MNS1: variants seen among roughly 807,000 people sequenced by gnomAD.
MNS1 encodes meiosis specific nuclear structural 1.
A neutral mutation model predicts 72.0 loss-of-function variants in MNS1; 63 were observed. The observed-to-expected ratio is 0.87, with a 90% CI of 0.71 to 1.08. The LOEUF (loss-of-function observed/expected upper bound fraction) is 1.08. MNS1 is among the 50% of genes least tolerant of loss of function. MNS1 has a pLI of 0.00. For missense variants in MNS1, 604 were observed against 562.4 expected (o/e 1.07, Z -0.75); for synonymous variants, 188 against 172.1 (o/e 1.09, Z -0.72).
chr15:56,464,522 C>G (rs1391349119), intron 1 of MNS1, among the ~76,000 whole-genome samples: 1 of 152,096 alleles, frequency 6.6e-6, no homozygotes, highest in Non-Finnish European at 1.5e-5. Flanking sequence ...GGATTAATCG[C>G]ACCCTACAGA....
intron 7 of MNS1, among the ~76,000 whole-genome samples, chr15:56,437,895 A>G (rs1415569363): frequency 1.3e-5 from 2 of 152,178 alleles, no homozygotes; most frequent in African/African-American, 2.4e-5. Context: ...ATACCTAGGA[A>G]TCCAACTTAC....
chr15:56,464,396 G>T, intron 1 of MNS1, 149 bp from the exon 2 acceptor site: 1 of 623,450 alleles, frequency 1.6e-6, no homozygotes, highest in South Asian at 2.1e-5. Context: ...AAAAGTAAAC[G>T]TGGTAAATAT....
chr15:56,455,493 G>A (rs2050976097), intron 3 of MNS1, among the ~76,000 whole-genome samples: 1 of 152,102 alleles, frequency 6.6e-6, no homozygotes, highest in Non-Finnish European at 1.5e-5. Context: ...GCTCATCCAT[G>A]TTTCCTGTAA....
rs2051044071 is a variant in MNS1, at chr15:56,464,314, G to C, written c.4-67C>G. The C allele has an allele frequency of 3.5e-6, 4 of 1,133,742 alleles. No homozygotes were observed. In the South Asian group the frequency reaches 6.0e-5, roughly 17 times the overall value. 70.2% of individuals were successfully genotyped at this position (1,133,742 alleles called of 1,614,324 possible). On this transcript the variant is annotated intron_variant, in intron 1 of 9. Transcript: ENST00000260453. ...AAAATCTAATTTTAAAAAATGTATT[G>C]ATATAAACCTTAGTAAGAAAGGATA...
intron 7 of MNS1, among the ~76,000 whole-genome samples, chr15:56,438,245 A>G (rs1422056378): frequency 6.6e-6 from 1 of 152,240 alleles, no homozygotes; most frequent in African/African-American, 2.4e-5. Context: ...CCAAAACAGC[A>G]TGGTACTGCT....
intron 7 of MNS1, among the ~76,000 whole-genome samples, chr15:56,436,193 C>T (rs1209241538): frequency 3.9e-5 from 6 of 152,050 alleles, no homozygotes; most frequent in African/African-American, 1.2e-4. Flanking sequence ...CAAAGTTGAC[C>T]ACATAGTTGG....
chr15:56,462,186 C>A (rs1400812631), intron 2 of MNS1, among the ~76,000 whole-genome samples: 1 of 151,694 alleles, frequency 6.6e-6, no homozygotes, highest in Non-Finnish European at 1.5e-5. Flanking sequence ...AAGTTCTTTA[C>A]AGAGGAATTT....
rs149155889 is a variant in MNS1, at chr15:56,457,947, T to C, written c.226-1426A>G. Among the ~76,000 whole-genome samples the C allele has an allele frequency of 2.7e-3, 418 of 152,294 alleles. 4 individuals are homozygous for C. The highest frequency in any genetic ancestry group is 9.6e-3 in the African/African-American group (398 of 41,546). On this transcript the variant is annotated intron_variant, in intron 2 of 9. Coordinates refer to ENST00000260453, the MANE Select transcript of MNS1 (RefSeq NM_018365.4). ...ATGTTTACAGCAGATTTATTCATAA[T>C]AGCCAATACCAAAAATACTCCAGAC... is the stretch of plus-strand genomic sequence containing the variant.
intron 8 of MNS1, 65 bp from the exon 9 acceptor site, chr15:56,431,563 A>C (rs981236116): frequency 1.3e-6 from 2 of 1,538,150 alleles, no homozygotes; most frequent in Non-Finnish European, 1.8e-6. Flanking sequence ...TTTTCAAATA[A>C]AACTACTCAT....
At chr15:56,430,505 C>CAGTT (rs1350227382) in intron 9 of MNS1, among the ~76,000 whole-genome samples, 5 of 152,170 alleles carry the variant, frequency 3.3e-5, no homozygotes, top group Non-Finnish European at 7.4e-5. Flanking sequence ...CATGCCCAGC[C>CAGTT]AGTTACTATT....
At chr15:56,439,520 C>T (rs2050783671) in intron 7 of MNS1, among the ~76,000 whole-genome samples, 1 of 151,704 alleles carries the variant, frequency 6.6e-6, no homozygotes, top group African/African-American at 2.4e-5. Flanking sequence ...GGGATGGATA[C>T]ATAGACCAAC....
intron 7 of MNS1, among the ~76,000 whole-genome samples, chr15:56,438,365 A>G (rs2050763807): frequency 6.6e-6 from 1 of 152,220 alleles, no homozygotes; most frequent in East Asian, 1.9e-4. Context: ...CAGGTTTGTT[A>G]CAAACCTGAC....
intron 7 of MNS1, among the ~76,000 whole-genome samples, chr15:56,440,695 TA>T (rs1203139221): frequency 6.6e-6 from 1 of 151,904 alleles, no homozygotes; most frequent in Admixed American, 6.6e-5. Context: ...TTATGCTGAA[TA>T]AAAAAAAGCC....
At chr15:56,456,902 T>A (rs1426010356) in intron 2 of MNS1, among the ~76,000 whole-genome samples, 1 of 152,186 alleles carries the variant, frequency 6.6e-6, no homozygotes, top group Non-Finnish European at 1.5e-5. Context: ...TAATTCAGTA[T>A]GAATATCTAC....
At chr15:56,437,008 G>T (rs577911074) in intron 7 of MNS1, among the ~76,000 whole-genome samples, 1 of 152,034 alleles carries the variant, frequency 6.6e-6, no homozygotes, top group Non-Finnish European at 1.5e-5. Context: ...ATTCACAGCC[G>T]AATTCTACCA....
At position 56,460,651 on chromosome 15, in the gene MNS1, A is replaced by C. The variant is rs961971029; in HGVS notation, c.225+3375T>G. The stretch of plus-strand genomic sequence containing the variant: ...GCAACTCTCCTATAAATCTAAACTT[A>C]TCTCAAAATAATAAGTTAAAAATAT... On this transcript the variant is annotated intron_variant, in intron 2 of 9. Coordinates refer to ENST00000260453, the MANE Select transcript of MNS1 (RefSeq NM_018365.4). 2.0e-5 allele frequency among the ~76,000 whole-genome samples: 3 copies of C among 152,330 alleles called. No homozygotes were observed. The Middle Eastern group carries it at 0.01, about 518-fold the overall frequency.
At position 56,462,520 on chromosome 15, in the gene MNS1, ATAAAT is replaced by A. The variant is rs1217559217; in HGVS notation, c.225+1501_225+1505del. Among the ~76,000 whole-genome samples the A allele has an allele frequency of 5.3e-5, 8 of 152,356 alleles. No homozygotes were observed. The South Asian group carries it at 1.0e-3, about 20-fold the overall frequency. ...TAGAGGAAATATAACAGATAGGGAAATAAATTAAAGGAACATGAGGAAGCAAACAC... is the reference window on the plus strand; with the variant it reads ...TAGAGGAAATATAACAGATAGGGAAATAAAGGAACATGAGGAAGCAAACAC... On this transcript the variant is annotated intron_variant, in intron 2 of 9. Coordinates refer to ENST00000260453, the MANE Select transcript of MNS1 (RefSeq NM_018365.4).
intron 3 of MNS1, among the ~76,000 whole-genome samples, chr15:56,452,202 C>T (rs556328392): frequency 3.3e-5 from 5 of 152,222 alleles, no homozygotes; most frequent in East Asian, 1.9e-4. Flanking sequence ...GTTATACTCA[C>T]GGCTATGACT....
Position 56,465,112 on chromosome 15 carries a change from T to C in MNS1, c.-140A>G, listed in dbSNP as rs1454416560. ...CGCGGCGTCTTGGCAACGGTGGAGC[T>C]GCGCGCCCTCCGCTCGACCAAAAGT... On this transcript the variant is annotated 5_prime_UTR_variant, in exon 1 of 10. Transcript: ENST00000260453. The C allele has an allele frequency of 2.6e-6, 3 of 1,150,968 alleles. No homozygotes were observed. Among genetic ancestry groups the C allele is most frequent in the Non-Finnish European group, 3.7e-6 (3 of 805,768 alleles). 71.3% of individuals were successfully genotyped at this position (1,150,968 alleles called of 1,614,324 possible).
Sources: gnomAD v4.1 joint callset for allele counts (sites outside exome capture counted in the v4.1 genomes callset) on GRCh38, gnomAD v4.1.1 for gene constraint, MANE v1.5 for transcripts, NCBI Gene and HGNC (gene_info 2026-07-23, HGNC 2026-07-21) for gene names.